Variants in ZMAT4 observed in about 807,000 individuals in gnomAD.
ZMAT4 encodes the protein zinc finger matrin-type 4, also known as zinc finger matrin-type protein 4.
A neutral mutation model predicts 28.7 loss-of-function variants in ZMAT4; 17 were observed. That is an observed-to-expected ratio of 0.59 (90% CI 0.41 to 0.89). The LOEUF is 0.89. ZMAT4 is among the 40% of genes least tolerant of loss of function. The pLI is 0.00. For missense variants in ZMAT4, 240 were observed against 283.8 expected, an observed-to-expected ratio of 0.85 and a Z score of 1.11; for synonymous variants, 117 against 109.2, an observed-to-expected ratio of 1.07 and a Z score of -0.44.
chr8:40,870,695 C>CA (rs1205704743), intron 1 of ZMAT4, among the ~76,000 whole-genome samples: 1 of 152,160 alleles, frequency 6.6e-6, no homozygotes, highest in Admixed American at 6.5e-5. Context: ...ACATGTCCTT[C>CA]AAACACCAGG....
intron 5 of ZMAT4, among the ~76,000 whole-genome samples, chr8:40,591,032 A>G (rs1294914891): frequency 6.6e-6 from 1 of 152,090 alleles, no homozygotes; most frequent in Admixed American, 6.5e-5. Flanking sequence ...TCTATCATCT[A>G]TTAGCCTCAT....
At chr8:40,599,582 T>C (rs1016322491) in intron 5 of ZMAT4, among the ~76,000 whole-genome samples, 1 of 152,216 alleles carries the variant, frequency 6.6e-6, no homozygotes, top group African/African-American at 2.4e-5. Flanking sequence ...AGGAACACAT[T>C]ACCTGATGAA....
Position 40,597,789 on chromosome 8 carries a change from A to G in ZMAT4, c.578-16528T>C, listed in dbSNP as rs149836603. Reference sequence around the variant, plus strand: ...GAACAAATGAAATTATATAAACATTAAAAGGTAATGTGGATAAACTGAACT... The same window carrying G: ...GAACAAATGAAATTATATAAACATTGAAAGGTAATGTGGATAAACTGAACT... On this transcript the variant is annotated intron_variant, in intron 5 of 6. Coordinates refer to ENST00000297737, the MANE Select transcript of ZMAT4 (RefSeq NM_024645.3). Among the ~76,000 whole-genome samples, 4 of 152,326 alleles carry G rather than the reference A, an allele frequency of 2.6e-5. No homozygotes were observed. The East Asian group carries it at 7.7e-4, about 29-fold the overall frequency.
rs147807593 is a variant in ZMAT4 at position 40,666,553 on chromosome 8, G to A, written c.577+8151C>T. Among the ~76,000 whole-genome samples the A allele has an allele frequency of 1.1e-3, 166 of 152,096 alleles. 1 individual carries two copies. The highest frequency in any genetic ancestry group is 3.8e-3 in the African/African-American group (156 of 41,516). ...GAAAATTAAAAAAATACAAAAGGAGGAAATTATTTGCACTATTAAAGTATA... is the reference window on the plus strand; with the variant it reads ...GAAAATTAAAAAAATACAAAAGGAGAAAATTATTTGCACTATTAAAGTATA... On this transcript the variant is annotated intron_variant, in intron 5 of 6. Transcript: ENST00000297737.
At chr8:40,615,738 A>G (rs1805978587) in intron 5 of ZMAT4, among the ~76,000 whole-genome samples, 1 of 152,166 alleles carries the variant, frequency 6.6e-6, no homozygotes, top group Admixed American at 6.5e-5. Context: ...AAACTTGTGC[A>G]TTCATCAAGT....
chr8:40,711,411 C>T lies in ZMAT4; in HGVS notation c.193-14010G>A, dbSNP rs184505304. On this transcript the variant is annotated intron_variant, in intron 3 of 6. Transcript: ENST00000297737. ...AAGAGAGACAATCAGATATCATCTG[C>T]CTCTTAATGAAAGAACTCAACACCA... 5.9e-5 allele frequency among the ~76,000 whole-genome samples: 9 copies of T among 152,272 alleles called. No individual in the cohort carries two copies. The East Asian group carries it at 1.7e-3, about 29-fold the overall frequency.
At chr8:40,882,256 G>A (rs1195498939) in intron 1 of ZMAT4, among the ~76,000 whole-genome samples, 1 of 152,130 alleles carries the variant, frequency 6.6e-6, no homozygotes, top group African/African-American at 2.4e-5. Context: ...CTATGTTTCT[G>A]CTCTTCCAAG....
At chr8:40,786,589 A>C (rs1586049376) in intron 2 of ZMAT4, 1 of 802,154 alleles carries the variant, frequency 1.2e-6, no homozygotes, top group Non-Finnish European at 1.7e-6. Flanking sequence ...AACAGCCAGC[A>C]TGCACGTTCT....
chr8:40,693,021 A>T lies in ZMAT4; in HGVS notation c.349+4224T>A, dbSNP rs548866931. Among the ~76,000 whole-genome samples, 24 of 152,262 alleles carry T rather than the reference A, an allele frequency of 1.6e-4. No individual in the cohort carries two copies. The Middle Eastern group carries it at 0.014, about 86-fold the overall frequency. On this transcript the variant is annotated intron_variant, in intron 4 of 6. Coordinates refer to ENST00000297737, the MANE Select transcript of ZMAT4 (RefSeq NM_024645.3). ...GTCCCCCTAGAAGCTCAGAATGTCA[A>T]TGTTTTTGGAAATAGGTTTTTTGCA...
intron 1 of ZMAT4, among the ~76,000 whole-genome samples, chr8:40,839,893 C>T (rs1816641370): frequency 6.6e-6 from 1 of 152,308 alleles, no homozygotes; most frequent in East Asian, 1.9e-4. Flanking sequence ...GCATTCTATG[C>T]ATGTAACAAA....
At chr8:40,802,997 T>C (rs1386478588) in intron 2 of ZMAT4, among the ~76,000 whole-genome samples, 1 of 152,142 alleles carries the variant, frequency 6.6e-6, no homozygotes, top group Non-Finnish European at 1.5e-5. Context: ...CAAATGGTGC[T>C]AGAACAACTG....
intron 5 of ZMAT4, among the ~76,000 whole-genome samples, chr8:40,669,173 A>T (rs2118883693): frequency 6.6e-6 from 1 of 152,294 alleles, no homozygotes; most frequent in Admixed American, 6.5e-5. Flanking sequence ...AAGTGAGTGC[A>T]TCTGAGCCAG....
At chr8:40,833,426 G>C (rs1383837454) in intron 1 of ZMAT4, among the ~76,000 whole-genome samples, 1 of 151,568 alleles carries the variant, frequency 6.6e-6, no homozygotes, top group Non-Finnish European at 1.5e-5. Context: ...AAATTAGCCA[G>C]GTGTGGTGGT....
chr8:40,822,306 G>A (rs552890447), intron 2 of ZMAT4, among the ~76,000 whole-genome samples: 1 of 152,272 alleles, frequency 6.6e-6, no homozygotes, highest in South Asian at 2.1e-4. Flanking sequence ...TAATATTGCT[G>A]GATATACAGA....
At chr8:40,722,903 A>G (rs773023671) in intron 3 of ZMAT4, among the ~76,000 whole-genome samples, 27 of 152,154 alleles carry the variant, frequency 1.8e-4, no homozygotes, top group Non-Finnish European at 3.1e-4. Context: ...ACCAACATAC[A>G]AATTCTCAAC....
intron 1 of ZMAT4, among the ~76,000 whole-genome samples, chr8:40,831,550 C>T (rs1466537951): frequency 6.6e-6 from 1 of 152,232 alleles, no homozygotes; most frequent in South Asian, 2.1e-4. Flanking sequence ...GAGAGAAGCT[C>T]TTGGCTTGGT....
chr8:40,832,763 C>G (rs1816334375), intron 1 of ZMAT4, among the ~76,000 whole-genome samples: 1 of 152,158 alleles, frequency 6.6e-6, no homozygotes, highest in Non-Finnish European at 1.5e-5. Context: ...TTAAACTCAG[C>G]CAATTTTAAA....
chr8:40,738,067 G>A (rs12677682), intron 3 of ZMAT4, among the ~76,000 whole-genome samples: 18,322 of 152,064 alleles, frequency 0.12, 1,583 homozygotes, highest in East Asian at 0.38. Context: ...AGGAAGGGAC[G>A]GGGGATATGG....
chr8:40,615,073 C>T (rs1033986040), intron 5 of ZMAT4, among the ~76,000 whole-genome samples: 10 of 152,118 alleles, frequency 6.6e-5, no homozygotes, highest in Non-Finnish European at 1.2e-4. Context: ...CCAGTTGTTC[C>T]TTTCCATGTT....
Sources: allele counts gnomAD v4.1 joint callset (sites outside exome capture counted in the v4.1 genomes callset), GRCh38; gene constraint gnomAD v4.1.1; transcripts MANE v1.5; gene names NCBI Gene and HGNC (gene_info 2026-07-23, HGNC 2026-07-21).